The following NCOA2 variants were observed in gnomAD, a reference collection of about 807,000 sequenced individuals.
The protein encoded by NCOA2 is nuclear receptor coactivator 2.
In NCOA2, 21 loss-of-function variants were observed where a neutral mutation model predicts 145.1. The observed-to-expected ratio is 0.14, with a 90% CI of 0.10 to 0.21. The LOEUF is 0.21. NCOA2 is among the 10% of genes least tolerant of loss of function. NCOA2 has a pLI of 1.00. For synonymous variants in NCOA2, 619 were observed against 637.5 expected (o/e 0.97, Z 0.44); for missense variants, 1,472 against 1,837.6 (o/e 0.80, Z 3.64).
At chr8:70,364,308 G>T (rs1437409625) in intron 1 of NCOA2, among the ~76,000 whole-genome samples, 1 of 151,962 alleles carries the variant, frequency 6.6e-6, no homozygotes, top group African/African-American at 2.4e-5. Flanking sequence ...TTCAAATACA[G>T]TATGTGGAAA....
chr8:70,141,855 C>T (rs1364201332), intron 13 of NCOA2, among the ~76,000 whole-genome samples: 1 of 152,118 alleles, frequency 6.6e-6, no homozygotes. Context: ...AGACTTTATC[C>T]TCAAGTCTCC....
At chr8:70,439,605 A>C in the NCOA2 span, among the ~76,000 whole-genome samples, 2 of 152,364 alleles carry the variant, frequency 1.3e-5, no homozygotes, top group East Asian at 3.9e-4. Context: ...CAGATAGAGA[A>C]GGAAGATCTA....
At chr8:70,402,882 C>G in intron 1 of NCOA2, among the ~76,000 whole-genome samples, 1 of 143,624 alleles carries the variant, frequency 7.0e-6, no homozygotes, top group South Asian at 2.1e-4. Context: ...GCCCCCGGCT[C>G]CCCGCCCCCA....
chr8:70,127,089 G>T, intron 18 of NCOA2, 42 bp from the exon 19 acceptor site: 1 of 1,414,576 alleles, frequency 7.1e-7, no homozygotes, highest in Non-Finnish European at 9.8e-7. Context: ...GTCGGGGACA[G>T]ACATAGATTA....
At chr8:70,326,908 A>C (rs1806637017) in intron 1 of NCOA2, among the ~76,000 whole-genome samples, 1 of 152,194 alleles carries the variant, frequency 6.6e-6, no homozygotes, top group Non-Finnish European at 1.5e-5. Context: ...GGCCTCAGCT[A>C]CCTTACTGTG....
chr8:70,346,193 T>C (rs17678277), intron 1 of NCOA2, among the ~76,000 whole-genome samples: 10,314 of 152,306 alleles, frequency 0.068, 500 homozygotes, highest in Non-Finnish European at 0.11. Flanking sequence ...AAGAGTAGAA[T>C]AATTTCACGT....
chr8:70,429,642 G>C, the NCOA2 span, among the ~76,000 whole-genome samples: 1 of 152,056 alleles, frequency 6.6e-6, no homozygotes, highest in Admixed American at 6.6e-5. Context: ...AAGAATAAGG[G>C]GAAATATGGA....
chr8:70,188,274 G>GAA, intron 4 of NCOA2, among the ~76,000 whole-genome samples: 1 of 152,338 alleles, frequency 6.6e-6, no homozygotes, highest in South Asian at 2.1e-4. Flanking sequence ...AACGGACAGT[G>GAA]GGCTTCCCAG....
At chr8:70,356,702 G>A (rs557876632) in intron 1 of NCOA2, among the ~76,000 whole-genome samples, 1 of 152,088 alleles carries the variant, frequency 6.6e-6, no homozygotes, top group Non-Finnish European at 1.5e-5. Flanking sequence ...GACTGATGAC[G>A]TAAAAACCAC....
At chr8:70,139,844 G>T (rs926973771) in intron 14 of NCOA2, among the ~76,000 whole-genome samples, 3 of 151,670 alleles carry the variant, frequency 2.0e-5, no homozygotes, top group Non-Finnish European at 4.4e-5. Flanking sequence ...GCAGAGACCG[G>T]GTTTCACCAT....
chr8:70,322,871 C>A (rs1806204334), intron 1 of NCOA2, among the ~76,000 whole-genome samples: 1 of 152,104 alleles, frequency 6.6e-6, no homozygotes, highest in African/African-American at 2.4e-5. Flanking sequence ...GTGCTCAGGA[C>A]CTTCAAAAAT....
chr8:70,188,859 T>C (rs993927168), intron 4 of NCOA2, among the ~76,000 whole-genome samples: 2 of 152,210 alleles, frequency 1.3e-5, no homozygotes, highest in African/African-American at 4.8e-5. Context: ...GAATTAAATT[T>C]AGTTATATTT....
At chr8:70,410,366 G>T in the NCOA2 span, among the ~76,000 whole-genome samples, 1 of 152,194 alleles carries the variant, frequency 6.6e-6, no homozygotes, top group Admixed American at 6.5e-5. Context: ...GTTCTCCTAG[G>T]TATTTACCTG....
chr8:70,425,081 G>A, the NCOA2 span, among the ~76,000 whole-genome samples: 1 of 152,148 alleles, frequency 6.6e-6, no homozygotes, highest in Non-Finnish European at 1.5e-5. Flanking sequence ...GGTGATAGGC[G>A]ATGACAGAAA....
At chr8:70,215,300 T>C (rs533752137) in intron 3 of NCOA2, among the ~76,000 whole-genome samples, 17 of 152,214 alleles carry the variant, frequency 1.1e-4, no homozygotes, top group African/African-American at 4.1e-4. Context: ...AGGGGAGTTG[T>C]GTTCAAAAGA....
At chr8:70,147,658 T>C (rs1430287837) in intron 12 of NCOA2, among the ~76,000 whole-genome samples, 1 of 152,200 alleles carries the variant, frequency 6.6e-6, no homozygotes, top group African/African-American at 2.4e-5. Context: ...TAGAAGATGT[T>C]CTTTCTAAAC....
chr8:70,366,594 G>T (rs1014427945), intron 1 of NCOA2, among the ~76,000 whole-genome samples: 6 of 151,172 alleles, frequency 4.0e-5, no homozygotes, highest in Non-Finnish European at 7.4e-5. Context: ...TATATTTTTT[G>T]ATATAAAAGG....
intron 1 of NCOA2, among the ~76,000 whole-genome samples, chr8:70,348,560 G>C (rs939971005): frequency 2.0e-5 from 3 of 152,120 alleles, no homozygotes; most frequent in African/African-American, 7.2e-5. Flanking sequence ...AAGCAGTGAG[G>C]GTCTGAATAA....
At position 70,371,889 on chromosome 8, in the gene NCOA2, T is replaced by C. The variant is rs183703966; in HGVS notation, c.-77+31811A>G. 2.8e-4 allele frequency among the ~76,000 whole-genome samples: 42 copies of C among 152,326 alleles called. No individual in the cohort carries two copies. In the East Asian group the frequency reaches 7.3e-3, roughly 27 times the overall value. ...ACTGTAAGTTTTTAAAAGTGCATTATTAGATAATATAACAAAGTACGTTCA... is the reference window on the plus strand; with the variant it reads ...ACTGTAAGTTTTTAAAAGTGCATTACTAGATAATATAACAAAGTACGTTCA... On this transcript the variant is annotated intron_variant, in intron 1 of 22. Coordinates refer to ENST00000452400, the MANE Select transcript of NCOA2 (RefSeq NM_006540.4).
Sources: gnomAD v4.1 joint callset for allele counts (sites outside exome capture counted in the v4.1 genomes callset) on GRCh38, gnomAD v4.1.1 for gene constraint, MANE v1.5 for transcripts, NCBI Gene and HGNC (gene_info 2026-07-23, HGNC 2026-07-21) for gene names.